ZBTB20: variants seen among roughly 807,000 people sequenced by gnomAD.
ZBTB20 encodes the protein zinc finger and BTB domain containing 20, also known as zinc finger and BTB domain-containing protein 20.
ZBTB20 carries 9 observed loss-of-function variants against 56.9 expected under a neutral mutation model. The observed-to-expected ratio is 0.16, with a 90% CI of 0.10 to 0.28. The LOEUF is 0.28. ZBTB20 is among the 10% of genes least tolerant of loss of function. ZBTB20 has a pLI of 1.00. For synonymous variants in ZBTB20, 417 were observed against 420.7 expected (o/e 0.99, Z 0.11); for missense variants, 655 against 1,003.0 (o/e 0.65, Z 4.69).
At chr3:114,646,533 C>T (rs533518561) in intron 6 of ZBTB20, among the ~76,000 whole-genome samples, 3 of 152,234 alleles carry the variant, frequency 2.0e-5, no homozygotes, top group South Asian at 2.1e-4. Flanking sequence ...AAGCAAGACA[C>T]ATCATAAAAT....
chr3:114,861,084 G>C (rs1429144488), intron 4 of ZBTB20, among the ~76,000 whole-genome samples: 1 of 152,124 alleles, frequency 6.6e-6, no homozygotes, highest in South Asian at 2.1e-4. Flanking sequence ...TAGACCTTTT[G>C]TTACCCATGA....
chr3:114,438,822 T>A (rs2090715720), intron 7 of ZBTB20, among the ~76,000 whole-genome samples: 1 of 152,126 alleles, frequency 6.6e-6, no homozygotes, highest in South Asian at 2.1e-4. Flanking sequence ...ATAGGGCCCG[T>A]CCAAACATGG....
intron 6 of ZBTB20, among the ~76,000 whole-genome samples, chr3:114,623,810 C>T (rs953211043): frequency 2.0e-5 from 3 of 151,762 alleles, no homozygotes; most frequent in Admixed American, 2.0e-4. Flanking sequence ...CCCCCACTCA[C>T]CTATCTTCCT....
At chr3:114,555,145 G>A (rs1357997340) in intron 6 of ZBTB20, among the ~76,000 whole-genome samples, 1 of 152,080 alleles carries the variant, frequency 6.6e-6, no homozygotes, top group East Asian at 1.9e-4. Context: ...ACAATTATCA[G>A]ATCTGCCACT....
chr3:114,996,758 C>T (rs770171115), intron 2 of ZBTB20, among the ~76,000 whole-genome samples: 1 of 151,760 alleles, frequency 6.6e-6, no homozygotes, highest in African/African-American at 2.4e-5. Flanking sequence ...ATTCCTAGAT[C>T]ATGTGGTATT....
intron 4 of ZBTB20, among the ~76,000 whole-genome samples, chr3:114,839,061 C>A (rs915797085): frequency 6.6e-6 from 1 of 152,058 alleles, no homozygotes; most frequent in African/African-American, 2.4e-5. Context: ...ATGAACCAGC[C>A]ATTTTCCTCC....
intron 2 of ZBTB20, among the ~76,000 whole-genome samples, chr3:114,995,777 T>C (rs1367949376): frequency 1.3e-5 from 2 of 151,788 alleles, no homozygotes; most frequent in African/African-American, 2.4e-5. Flanking sequence ...TTTTCAAACT[T>C]AGTATTAATA....
intron 3 of ZBTB20, among the ~76,000 whole-genome samples, chr3:114,955,924 G>A (rs574487030): frequency 1.1e-4 from 16 of 152,196 alleles, no homozygotes; most frequent in Non-Finnish European, 2.4e-4. Flanking sequence ...GGCAAATTTT[G>A]TGACATACTA....
chr3:114,867,406 G>A (rs2075810420), intron 4 of ZBTB20, among the ~76,000 whole-genome samples: 1 of 152,126 alleles, frequency 6.6e-6, no homozygotes, highest in Non-Finnish European at 1.5e-5. Context: ...GAAAGTGAAG[G>A]AATTTATAGA....
intron 4 of ZBTB20, among the ~76,000 whole-genome samples, chr3:114,852,812 G>C (rs760032250): frequency 5.9e-5 from 9 of 152,094 alleles, no homozygotes; most frequent in Non-Finnish European, 1.2e-4. Context: ...TTTGCTGCAG[G>C]AAAGAGGCTG....
intron 3 of ZBTB20, among the ~76,000 whole-genome samples, chr3:114,961,346 T>A (rs1045229586): frequency 6.6e-6 from 1 of 152,144 alleles, no homozygotes; most frequent in African/African-American, 2.4e-5. Context: ...CTTGCAAGAC[T>A]TCTGCATTTT....
chr3:114,483,658 A>G (rs2041800822), intron 7 of ZBTB20, among the ~76,000 whole-genome samples: 1 of 152,222 alleles, frequency 6.6e-6, no homozygotes, highest in African/African-American at 2.4e-5. Context: ...TAAGTGACTG[A>G]GAACATGAGT....
chr3:114,376,516 TCA>T (rs936575933), intron 10 of ZBTB20, among the ~76,000 whole-genome samples: 7 of 152,152 alleles, frequency 4.6e-5, no homozygotes, highest in Admixed American at 4.6e-4. Context: ...AAAATTTTAA[TCA>T]CACAGACTTG....
intron 6 of ZBTB20, among the ~76,000 whole-genome samples, chr3:114,672,585 G>C (rs1253447409): frequency 6.6e-6 from 1 of 152,168 alleles, no homozygotes; most frequent in Non-Finnish European, 1.5e-5. Flanking sequence ...AAGAGGGCCA[G>C]TAGACGCCAG....
chr3:114,512,157 A>ATATGCTACCTATGGGTG (rs11272962), intron 6 of ZBTB20, among the ~76,000 whole-genome samples: 1 of 151,822 alleles, frequency 6.6e-6, no homozygotes, highest in Non-Finnish European at 1.5e-5. Context: ...AGACAATAAA[A>ATATGCTACCTATGGGTG]TAGACAGGGA....
intron 7 of ZBTB20, among the ~76,000 whole-genome samples, chr3:114,455,416 C>T (rs954404775): frequency 5.3e-5 from 8 of 152,102 alleles, no homozygotes; most frequent in Non-Finnish European, 1.0e-4. Context: ...ATACAAATGG[C>T]ACTAGATAGA....
intron 5 of ZBTB20, among the ~76,000 whole-genome samples, chr3:114,797,546 G>A (rs536915042): frequency 4.6e-5 from 7 of 151,858 alleles, no homozygotes; most frequent in East Asian, 1.9e-4. Context: ...AGAAAGATGC[G>A]ATTTTCCCAG....
chr3:114,454,162 A>AAG (rs2109057127), intron 7 of ZBTB20, among the ~76,000 whole-genome samples: 2 of 124,420 alleles, frequency 1.6e-5, no homozygotes, highest in Admixed American at 8.8e-5. Flanking sequence ...AGGAAGAGAG[A>AAG]GGAAAAGAGA....
intron 1 of ZBTB20, among the ~76,000 whole-genome samples, chr3:115,146,717 A>T (rs905825176): frequency 6.6e-6 from 1 of 152,118 alleles, no homozygotes; most frequent in Middle Eastern, 3.2e-3. Flanking sequence ...GAGCCACGGC[A>T]AGCGGGGGAG....
Sources: allele counts gnomAD v4.1 joint callset (sites outside exome capture counted in the v4.1 genomes callset), GRCh38; gene constraint gnomAD v4.1.1; transcripts MANE v1.5; gene names NCBI Gene and HGNC (gene_info 2026-07-23, HGNC 2026-07-21).